Variants in TMEM108 observed in about 807,000 individuals in gnomAD.
TMEM108 encodes the protein transmembrane protein 108.
In TMEM108, 12 loss-of-function variants were observed where a neutral mutation model predicts 35.1. The ratio of observed to expected loss-of-function variants is 0.34; its 90% CI spans 0.22 to 0.55. The LOEUF is 0.55. Ranked by LOEUF, TMEM108 falls within the 20% of genes least tolerant of loss-of-function variation. TMEM108 has a pLI of 0.89. For missense variants in TMEM108, 680 were observed against 753.3 expected, an observed-to-expected ratio of 0.90 and a Z score of 1.14; for synonymous variants, 287 against 308.6, an observed-to-expected ratio of 0.93 and a Z score of 0.73.
intron 3 of TMEM108, among the ~76,000 whole-genome samples, chr3:133,243,814 G>A (rs1408922455): frequency 2.6e-5 from 4 of 152,072 alleles, no homozygotes; most frequent in Non-Finnish European, 4.4e-5. Flanking sequence ...ATGAGCCACC[G>A]CGCCCGGCCT....
At position 133,342,544 on chromosome 3, in the gene TMEM108, G is replaced by GTATATATATATATATATA. The variant is rs1553764021; in HGVS notation, c.41-37196_41-37195insTATATATATATATATATA. On this transcript the variant is annotated intron_variant, in intron 3 of 5. Transcript: ENST00000321871. Reference sequence around the variant, plus strand: ...TAAAAAAGTTAAAAAAGAAAATGTGGTATATATATATACACACACACACAC... The same window carrying GTATATATATATATATATA: ...TAAAAAAGTTAAAAAAGAAAATGTGGTATATATATATATATATATATATATATATACACACACACACAC... Among the ~76,000 whole-genome samples the GTATATATATATATATATA allele has an allele frequency of 7.9e-4, 37 of 46,656 alleles. 4 individuals are homozygous for GTATATATATATATATATA. Among genetic ancestry groups the GTATATATATATATATATA allele is most frequent in the African/African-American group, 2.7e-3 (30 of 10,940 alleles). 30.6% of individuals were successfully genotyped at this position (46,656 alleles called of 152,430 possible). A position where few individuals can be genotyped will look rare whatever the true frequency, so the allele number is the denominator to read the frequency against.
Position 133,347,278 on chromosome 3 carries a change from C to T in TMEM108, c.41-32474C>T, listed in dbSNP as rs1020080429. 6.6e-5 allele frequency among the ~76,000 whole-genome samples: 10 copies of T among 152,082 alleles called. No individual in the cohort carries two copies. In the South Asian group the frequency reaches 1.2e-3, roughly 19 times the overall value. On this transcript the variant is annotated intron_variant, in intron 3 of 5. Transcript: ENST00000321871. ...CTTCTCATCTGTGAACATAGAATAT[C>T]TCTCCATTTCTTTAGACCTTCTTTG...
chr3:133,057,479 A>ATATATATATATATATATATATATC (rs1559818494), intron 2 of TMEM108, among the ~76,000 whole-genome samples: 1 of 73,144 alleles, frequency 1.4e-5, no homozygotes, highest in African/African-American at 5.0e-5. Flanking sequence ...ATATATATAT[A>ATATATATATATATATATATATATC]TATATATGTG....
intron 3 of TMEM108, among the ~76,000 whole-genome samples, chr3:133,252,879 G>A (rs569653367): frequency 3.9e-5 from 6 of 152,172 alleles, no homozygotes; most frequent in Non-Finnish European, 7.4e-5. Context: ...TGTGGAATCT[G>A]TGGATATGGA....
At chr3:133,248,413 T>G (rs1213926415) in intron 3 of TMEM108, 1 of 152,204 alleles carries the variant, frequency 6.6e-6, no homozygotes, top group East Asian at 1.9e-4. Flanking sequence ...TCCCAGAGCT[T>G]CGGTAGGCAC....
At chr3:133,300,943 G>T (rs1421452424) in intron 3 of TMEM108, among the ~76,000 whole-genome samples, 1 of 135,510 alleles carries the variant, frequency 7.4e-6, no homozygotes, top group Non-Finnish European at 1.6e-5. Context: ...TAAGAATAAA[G>T]AAAAAAAAAA....
intron 3 of TMEM108, chr3:133,246,108 TC>T (rs1946382459): frequency 6.6e-6 from 1 of 152,240 alleles, no homozygotes. Context: ...TTAAAATGTT[TC>T]TAGTGACTGA....
Position 133,380,106 on chromosome 3 carries a change from G to A in TMEM108, c.395G>A (p.Arg132His), listed in dbSNP as rs139116868. The A allele has an allele frequency of 5.0e-5, 80 of 1,613,818 alleles. No homozygotes were observed. Among genetic ancestry groups the A allele is most frequent in the Non-Finnish European group, 6.4e-5 (75 of 1,179,978 alleles). Residue 132 changes from arginine (R) to histidine (H), a missense_variant, in exon 4 of 6, where the codon CGC becomes CAC. Arg to His is a conservative substitution (Grantham distance 29). Around this residue, in one of 3 missense-constraint regions of TMEM108, gnomAD observed 526 missense variants for 532.1 expected, o/e 0.99. Coordinates refer to ENST00000321871, the MANE Select transcript of TMEM108 (RefSeq NM_023943.4). This position sits in a 1 kb window ranked among gnomAD's most constrained non-coding sequence, Gnocchi z 5.3. ...ACCACATCCTCCAAGCCAGAGGGCCGCCCTCGAGGGCAGGCTGCCCCCACC... is the reference window on the plus strand; with the variant it reads ...ACCACATCCTCCAAGCCAGAGGGCCACCCTCGAGGGCAGGCTGCCCCCACC... ...MATTSSKPEG[R>H]PRGQAAPTIL...
chr3:133,058,553 C>T (rs908251580), intron 2 of TMEM108, among the ~76,000 whole-genome samples: 6 of 152,184 alleles, frequency 3.9e-5, no homozygotes, highest in African/African-American at 1.2e-4. Context: ...TGGCTACTCC[C>T]GTGCCTACAG....
chr3:133,043,319 A>G (rs1943296375), intron 1 of TMEM108, among the ~76,000 whole-genome samples: 1 of 152,166 alleles, frequency 6.6e-6, no homozygotes, highest in Admixed American at 6.5e-5. Flanking sequence ...CACACACAAA[A>G]TAGGGTAAGA....
At chr3:133,143,165 T>C (rs1302341449) in intron 2 of TMEM108, among the ~76,000 whole-genome samples, 1 of 152,164 alleles carries the variant, frequency 6.6e-6, no homozygotes, top group Non-Finnish European at 1.5e-5. Flanking sequence ...TCCAAAACTG[T>C]CCTTGAGGCA....
chr3:133,094,210 T>TCCCCCCCCCCAC (rs1172195734), intron 2 of TMEM108, among the ~76,000 whole-genome samples: 1 of 114,162 alleles, frequency 8.8e-6, no homozygotes, highest in African/African-American at 3.2e-5. Context: ...TTTCTCCCCT[T>TCCCCCCCCCCAC]CCCACCTCCC....
chr3:133,128,927 G>A (rs1490876300), intron 2 of TMEM108, among the ~76,000 whole-genome samples: 1 of 152,074 alleles, frequency 6.6e-6, no homozygotes, highest in Non-Finnish European at 1.5e-5. Flanking sequence ...CTCATATATT[G>A]AGGTTGTTGG....
chr3:133,181,038 A>AAAAAAAAAAAAAAAAAAAAC (rs869218859), intron 2 of TMEM108, among the ~76,000 whole-genome samples: 3 of 126,444 alleles, frequency 2.4e-5, no homozygotes, highest in African/African-American at 8.6e-5. Flanking sequence ...AAAAAAAAAA[A>AAAAAAAAAAAAAAAAAAAAC]CAGCACTCCC....
chr3:133,209,690 A>G (rs774930614), intron 2 of TMEM108, among the ~76,000 whole-genome samples: 2 of 151,888 alleles, frequency 1.3e-5, no homozygotes, highest in Non-Finnish European at 2.9e-5. Flanking sequence ...TCTCTCCTCC[A>G]TTGCCCCCAC....
chr3:133,348,091 A>T (rs919828454), intron 3 of TMEM108, among the ~76,000 whole-genome samples: 3 of 151,710 alleles, frequency 2.0e-5, no homozygotes, highest in Non-Finnish European at 4.4e-5. Context: ...AGTAGTAAAG[A>T]TATTTTTGAA....
intron 2 of TMEM108, among the ~76,000 whole-genome samples, chr3:133,215,576 G>T (rs1442356977): frequency 6.6e-6 from 1 of 152,006 alleles, no homozygotes; most frequent in Admixed American, 6.6e-5. Context: ...AGAAATTTTA[G>T]GGATATTAAC....
At chr3:133,206,879 A>C (rs1288034816) in intron 2 of TMEM108, among the ~76,000 whole-genome samples, 1 of 152,194 alleles carries the variant, frequency 6.6e-6, no homozygotes, top group East Asian at 1.9e-4. Context: ...AGGAACACTT[A>C]AGTCTGCTGA....
At chr3:133,302,430 T>C (rs1306490656) in intron 3 of TMEM108, among the ~76,000 whole-genome samples, 1 of 146,494 alleles carries the variant, frequency 6.8e-6, no homozygotes, top group South Asian at 2.2e-4. Context: ...TTTTTTTTTT[T>C]TTTTTTTTGA....
Sources: gnomAD v4.1 joint callset for allele counts (sites outside exome capture counted in the v4.1 genomes callset) on GRCh38, gnomAD v4.1.1 for gene constraint, gnomAD v4.1.1 regional missense constraint, Gnocchi (gnomAD v3.1) non-coding constraint, MANE v1.5 for transcripts, NCBI Gene and HGNC (gene_info 2026-07-23, HGNC 2026-07-21) for gene names.